PCDHGB4: variants seen among roughly 807,000 people sequenced by gnomAD.
The protein encoded by PCDHGB4 is protocadherin gamma-B4.
A neutral mutation model predicts 60.5 loss-of-function variants in PCDHGB4; 38 were observed. The observed-to-expected ratio is 0.63, with a 90% CI of 0.48 to 0.82. The LOEUF (loss-of-function observed/expected upper bound fraction) is 0.82. PCDHGB4 is among the 40% of genes least tolerant of loss of function. The pLI is 0.00. For missense variants in PCDHGB4, 1,109 were observed against 1,209.6 expected, an observed-to-expected ratio of 0.92 and a Z score of 1.23; for synonymous variants, 456 against 509.7, an observed-to-expected ratio of 0.89 and a Z score of 1.42.
intron 1 of PCDHGB4, chr5:141,413,768 TG>T (rs1158107882): frequency 2.5e-6 from 4 of 1,613,132 alleles, no homozygotes; most frequent in Non-Finnish European, 3.4e-6. Context: ...TACCCGGAGC[TG>T]GTACTGGAGC....
intron 1 of PCDHGB4, chr5:141,419,557 G>T: frequency 2.5e-6 from 4 of 1,611,872 alleles, no homozygotes; most frequent in Middle Eastern, 1.7e-4. Context: ...TGTACCCTGC[G>T]CTGGGTCCCG....
intron 1 of PCDHGB4, chr5:141,420,367 T>C: frequency 7.3e-7 from 1 of 1,360,684 alleles, no homozygotes; most frequent in Non-Finnish European, 9.7e-7. Flanking sequence ...CTAGATAACT[T>C]CTTCATAGAG....
intron 1 of PCDHGB4, among the ~76,000 whole-genome samples, chr5:141,434,195 T>C (rs1561872734): frequency 6.6e-6 from 1 of 151,916 alleles, no homozygotes; most frequent in Non-Finnish European, 1.5e-5. Flanking sequence ...AATTCCAATG[T>C]ACTTACTTCT....
At chr5:141,478,941 A>C (rs889484528) in intron 1 of PCDHGB4, 9 of 589,470 alleles carry the variant, frequency 1.5e-5, no homozygotes, top group Non-Finnish European at 2.0e-5. Context: ...TTCTAGGAAT[A>C]CAAAAACTAC....
intron 1 of PCDHGB4, chr5:141,419,231 C>G (rs1309708358): frequency 2.5e-6 from 4 of 1,614,026 alleles, no homozygotes; most frequent in Admixed American, 1.7e-5. Context: ...GTCAGCCTAC[C>G]TGGTCCACGT....
At chr5:141,403,416 C>T in intron 1 of PCDHGB4, 1 of 1,614,034 alleles carries the variant, frequency 6.2e-7, no homozygotes, top group Non-Finnish European at 8.5e-7. Context: ...TATCCACTTC[C>T]AGAAGCTATT....
At chr5:141,402,912 G>T (rs373067478) in intron 1 of PCDHGB4, 319 of 1,553,994 alleles carry the variant, frequency 2.1e-4, no homozygotes, top group East Asian at 2.5e-4. Flanking sequence ...GAAGCAGCGC[G>T]CACAGAGATC....
intron 1 of PCDHGB4, among the ~76,000 whole-genome samples, chr5:141,451,727 C>A (rs2098722766): frequency 6.6e-6 from 1 of 152,014 alleles, no homozygotes; most frequent in Admixed American, 6.6e-5. Flanking sequence ...ACTAAAAATA[C>A]AAAAATTAGC....
In PCDHGB4 at chr5:141,485,146, G is replaced by C; in HGVS notation, c.2398-9661G>C. 6.4e-7 allele frequency: 1 copy of C among 1,569,470 alleles called. No individual in the cohort carries two copies. Among genetic ancestry groups the C allele is most frequent in the Non-Finnish European group, 8.7e-7 (1 of 1,143,568 alleles). On this transcript the variant is annotated intron_variant, in intron 1 of 3. Transcript: ENST00000519479. The surrounding 1 kb of genome is among the most constrained non-coding windows in gnomAD (Gnocchi z 5.7). Reference sequence around the variant, plus strand: ...GGTCGGCTTCATCCGCGTCTCAGGAGCAAGTAGAGAATTAGCGGGCGGCAG... The same window carrying C: ...GGTCGGCTTCATCCGCGTCTCAGGACCAAGTAGAGAATTAGCGGGCGGCAG...
intron 1 of PCDHGB4, among the ~76,000 whole-genome samples, chr5:141,467,938 C>A (rs527892047): frequency 9.8e-5 from 15 of 152,304 alleles, no homozygotes; most frequent in Non-Finnish European, 1.5e-4. Flanking sequence ...GGATTACAAG[C>A]ATGAGCCACC....
rs368785983 is a variant in PCDHGB4 at position 141,393,012 on chromosome 5, G to A, written c.2397+2731G>A. The A allele has an allele frequency of 1.4e-5, 23 of 1,613,724 alleles. No homozygotes were observed. Among genetic ancestry groups the A allele is most frequent in the Non-Finnish European group, 1.9e-5 (23 of 1,179,884 alleles). ...GCTGGCGAAGCACGGAGTCCGTATC[G>A]TCTCCAGAGGTAGGACGCAGCTCTT... On this transcript the variant is annotated intron_variant, in intron 1 of 3. Transcript: ENST00000519479.
chr5:141,399,713 A>C (rs1353862646), intron 1 of PCDHGB4: 1 of 1,613,326 alleles, frequency 6.2e-7, no homozygotes, highest in Non-Finnish European at 8.5e-7. Context: ...CTCACACTAC[A>C]GGCCCGCGAC....
rs114669158 is a variant in PCDHGB4 at position 141,511,003 on chromosome 5, G to A, written c.2602G>A (p.Ala868Thr). The change falls in exon 4 of 4, where the codon GCC (alanine) becomes ACC (threonine). Residue 868 changes from alanine to threonine, a missense_variant. Physicochemically the swap from Ala to Thr is moderately conservative, Grantham distance 58 (BLOSUM62 0). Coordinates refer to ENST00000519479, the MANE Select transcript of PCDHGB4 (RefSeq NM_003736.4). Reference protein sequence around the residue: ...GGGAGTMGLSARYGPQFTLQH... With the variant: ...GGGAGTMGLSTRYGPQFTLQH... ...GGGTGCCGGCACCATGGGATTGAGCGCCCGCTACGGACCCCAGTTCACCCT... is the reference window on the plus strand; with the variant it reads ...GGGTGCCGGCACCATGGGATTGAGCACCCGCTACGGACCCCAGTTCACCCT... The A allele has an allele frequency of 1.0e-4, 163 of 1,614,148 alleles. 1 individual carries two copies. The highest frequency in any genetic ancestry group is 9.5e-5 in the Non-Finnish European group (112 of 1,180,012).
At chr5:141,509,720 A>G (rs916316577) in intron 3 of PCDHGB4, among the ~76,000 whole-genome samples, 6 of 151,974 alleles carry the variant, frequency 3.9e-5, no homozygotes, top group Admixed American at 3.3e-4. Context: ...GTCTGATGTC[A>G]CCTAGCTGTG....
At position 141,486,449 on chromosome 5, in the gene PCDHGB4, A is replaced by G; in HGVS notation, c.2398-8358A>G. On this transcript the variant is annotated intron_variant, in intron 1 of 3. Coordinates refer to ENST00000519479, the MANE Select transcript of PCDHGB4 (RefSeq NM_003736.4). The surrounding 1 kb of genome is among the most constrained non-coding windows in gnomAD (Gnocchi z 5.0). The stretch of plus-strand genomic sequence containing the variant: ...CAAATCTAGCTATGACATCATGGTC[A>G]CTGCTTCTGATGCTGGGAACCCTCC... The G allele has an allele frequency of 6.2e-7, 1 of 1,614,184 alleles. No homozygotes were observed. Among genetic ancestry groups the G allele is most frequent in the Non-Finnish European group, 8.5e-7 (1 of 1,180,000 alleles).
At position 141,471,056 on chromosome 5, in the gene PCDHGB4, T is replaced by C. The variant is rs1367189715; in HGVS notation, c.2398-23751T>C. On this transcript the variant is annotated intron_variant, in intron 1 of 3. Coordinates refer to ENST00000519479, the MANE Select transcript of PCDHGB4 (RefSeq NM_003736.4). ...ACAAGCCCAAGCCCTCTTTTTTTTT[T>C]TTTTTTTTTTGAGACAGGGTCTCCC... Among the ~76,000 whole-genome samples, 581 of 150,056 alleles carry C rather than the reference T, an allele frequency of 3.9e-3. 6 individuals are homozygous for C. Among genetic ancestry groups the C allele is most frequent in the Admixed American group, 0.011 (167 of 15,092 alleles).
At chr5:141,413,812 C>T in intron 1 of PCDHGB4, 2 of 1,613,144 alleles carry the variant, frequency 1.2e-6, no homozygotes, top group Non-Finnish European at 1.7e-6. Flanking sequence ...GGCCATTCAC[C>T]ACCTGGTCCT....
chr5:141,392,101 C>G (rs1234202076), intron 1 of PCDHGB4: 1 of 152,130 alleles, frequency 6.6e-6, no homozygotes, highest in Non-Finnish European at 1.5e-5. Context: ...AATTTAAAAG[C>G]AACAACTCTA....
rs953397576 is a variant in PCDHGB4, at chr5:141,410,111, G to A, written c.2397+19830G>A. 6 of 1,612,264 alleles carry A rather than the reference G, an allele frequency of 3.7e-6. No homozygotes were observed. In the African/African-American group the frequency reaches 6.7e-5, roughly 18 times the overall value. On this transcript the variant is annotated intron_variant, in intron 1 of 3. Transcript: ENST00000519479. ...GGCTCGAGCCTTAGGCGACAGGGACGCAGCCCGCCAGCGCCTGCTGGTCGC... is the reference window on the plus strand; with the variant it reads ...GGCTCGAGCCTTAGGCGACAGGGACACAGCCCGCCAGCGCCTGCTGGTCGC...
Sources: allele counts gnomAD v4.1 joint callset (sites outside exome capture counted in the v4.1 genomes callset), GRCh38; gene constraint gnomAD v4.1.1; non-coding constraint Gnocchi (gnomAD v3.1); transcripts MANE v1.5; gene names NCBI Gene and HGNC (gene_info 2026-07-23, HGNC 2026-07-21).